GUCY2C: variants seen among roughly 807,000 people sequenced by gnomAD.
GUCY2C encodes the protein guanylate cyclase 2C, also known as guanylyl cyclase C.
In GUCY2C, 118 loss-of-function variants were observed where a neutral mutation model predicts 131.1. The observed-to-expected ratio is 0.90, with a 90% CI of 0.78 to 1.05. The LOEUF (loss-of-function observed/expected upper bound fraction) is 1.05, where lower values mean the gene tolerates loss of function less well. Ranked by LOEUF, GUCY2C falls within the 50% of genes least tolerant of loss-of-function variation. The pLI, the probability that GUCY2C is intolerant of heterozygous loss-of-function variation, is 0.00. For missense variants in GUCY2C, 1,161 were observed against 1,304.4 expected (o/e 0.89, Z 1.69); for synonymous variants, 452 against 457.8 (o/e 0.99, Z 0.16).
chr12:14,655,391 A>C (rs1161103169), intron 12 of GUCY2C, among the ~76,000 whole-genome samples: 2 of 152,156 alleles, frequency 1.3e-5, no homozygotes, highest in Non-Finnish European at 2.9e-5. Context: ...TGAGGTTCAG[A>C]ATGCACCAGG....
intron 15 of GUCY2C, among the ~76,000 whole-genome samples, chr12:14,647,447 G>C (rs1947544703): frequency 6.6e-6 from 1 of 152,090 alleles, no homozygotes; most frequent in South Asian, 2.1e-4. Flanking sequence ...GTCGGTATAG[G>C]GTGTCGGTAA....
chr12:14,655,823 CAGG>C (rs1272153557), intron 12 of GUCY2C, among the ~76,000 whole-genome samples: 1 of 152,112 alleles, frequency 6.6e-6, no homozygotes, highest in Non-Finnish European at 1.5e-5. Flanking sequence ...TCACAGTGCT[CAGG>C]AGAAGATGAA....
At chr12:14,638,165 G>A (rs528112078) in intron 19 of GUCY2C, among the ~76,000 whole-genome samples, 1 of 152,298 alleles carries the variant, frequency 6.6e-6, no homozygotes, top group Admixed American at 6.5e-5. Flanking sequence ...ACCACAATGA[G>A]CTATCATCTT....
intron 1 of GUCY2C, among the ~76,000 whole-genome samples, chr12:14,694,095 C>T (rs1007992): frequency 6.6e-6 from 1 of 151,190 alleles, no homozygotes; most frequent in Non-Finnish European, 1.5e-5. Context: ...CTATTCATAT[C>T]GGGTAACTAC....
rs67108274 is a variant in GUCY2C, at chr12:14,677,736, A to AT, written c.831-766dup. On this transcript the variant is annotated intron_variant, in intron 6 of 26. Transcript: ENST00000261170. ...CAGGCGCCCACCACCACGCCCAGCT[A>AT]TTTTTTTTTTTTTTTGTATTTTTAG... 2.9e-3 allele frequency among the ~76,000 whole-genome samples: 392 copies of AT among 133,984 alleles called. 9 individuals are homozygous for AT. The highest frequency in any genetic ancestry group is 0.018 in the East Asian group (81 of 4,598). 87.9% of individuals were successfully genotyped at this position (133,984 alleles called of 152,430 possible).
In GUCY2C at chr12:14,621,988, T is replaced by C; in HGVS notation, c.2601+17A>G. ...TTGTACAATTAATGGTTTCAGCCTG[T>C]TAGGTGATGTGGTTACCTTGTAGAC... On this transcript the variant is annotated intron_variant, in intron 22 of 26. Coordinates refer to ENST00000261170, the MANE Select transcript of GUCY2C (RefSeq NM_004963.4). The C allele has an allele frequency of 6.4e-7, 1 of 1,554,074 alleles. No homozygotes were observed. Among genetic ancestry groups the C allele is most frequent in the East Asian group, 2.3e-5 (1 of 42,710 alleles).
At chr12:14,686,448 A>C (rs1369951636) in intron 2 of GUCY2C, among the ~76,000 whole-genome samples, 1 of 152,152 alleles carries the variant, frequency 6.6e-6, no homozygotes, top group Non-Finnish European at 1.5e-5. Context: ...GTATTTTACA[A>C]AGGTGAGCTG....
chr12:14,618,548 G>A (rs188140185), intron 24 of GUCY2C, among the ~76,000 whole-genome samples: 3 of 152,122 alleles, frequency 2.0e-5, no homozygotes, highest in African/African-American at 4.8e-5. Flanking sequence ...CAGAAAAAAC[G>A]AATATGCTTT....
rs1371235413 is a variant in GUCY2C, at chr12:14,676,944, T to C, written c.858A>G (p.Thr286=). 1 of 1,548,188 alleles carries C rather than the reference T, an allele frequency of 6.5e-7. No homozygotes were observed. Among genetic ancestry groups the C allele is most frequent in the South Asian group, 1.2e-5 (1 of 83,582 alleles). The change falls in exon 7 of 27, where the codon ACA becomes ACG. Residue 286 remains threonine, a synonymous_variant. Coordinates refer to ENST00000261170, the MANE Select transcript of GUCY2C (RefSeq NM_004963.4). ...GGACATTTTTCATATAGTCAGGGGCTGTGACATTGTCCTCAAAGTACTGGT... is the reference window on the plus strand; with the variant it reads ...GGACATTTTTCATATAGTCAGGGGCCGTGACATTGTCCTCAAAGTACTGGT... The part of the protein sequence containing the change: ...FNDQYFEDNV[T]APDYMKNVLV...
rs1433742402 is a variant in GUCY2C, at chr12:14,696,391, G to A, written c.58C>T (p.Leu20=). 3 of 1,614,022 alleles carry A rather than the reference G, an allele frequency of 1.9e-6. No individual in the cohort carries two copies. The Admixed American group carries it at 5.0e-5, about 27-fold the overall frequency. ...TGACTCACCTGGGAACTAAAGGACA[G>A]CCACCCGGGCTGGAAGAGCAGTGAC... The part of the protein sequence containing the change: ...LWSLLFQPGW[L]SFSSQVSQNC... Residue 20 remains leucine (L), a synonymous_variant, in exon 1 of 27, where the codon CTG becomes TTG. Coordinates refer to ENST00000261170, the MANE Select transcript of GUCY2C (RefSeq NM_004963.4).
At chr12:14,689,591 T>C (rs112909242) in intron 1 of GUCY2C, among the ~76,000 whole-genome samples, 87 of 152,346 alleles carry the variant, frequency 5.7e-4, no homozygotes, top group African/African-American at 1.9e-3. Context: ...ATTGAGTTTG[T>C]CTTACCAGAG....
At chr12:14,656,957 C>T (rs1008316086) in intron 11 of GUCY2C, among the ~76,000 whole-genome samples, 2 of 152,182 alleles carry the variant, frequency 1.3e-5, no homozygotes, top group African/African-American at 2.4e-5. Flanking sequence ...AAGGAGTGTG[C>T]AACATAGATC....
intron 15 of GUCY2C, among the ~76,000 whole-genome samples, chr12:14,649,252 C>T (rs532039667): frequency 7.7e-4 from 117 of 152,168 alleles, no homozygotes; most frequent in Middle Eastern, 6.8e-3. Context: ...TTTTAGGAGC[C>T]AAGAATGAAG....
At chr12:14,642,953 C>G (rs1189435091) in intron 17 of GUCY2C, among the ~76,000 whole-genome samples, 1 of 152,138 alleles carries the variant, frequency 6.6e-6, no homozygotes, top group African/African-American at 2.4e-5. Context: ...AACATGAGTT[C>G]TAGATATCTG....
intron 5 of GUCY2C, among the ~76,000 whole-genome samples, chr12:14,681,011 A>G (rs1948337512): frequency 6.6e-6 from 1 of 152,138 alleles, no homozygotes; most frequent in Admixed American, 6.6e-5. Context: ...TTGGTCACAA[A>G]TCCAATAATA....
At chr12:14,641,280 A>G (rs1592101484) in intron 17 of GUCY2C, 61 bp from the exon 18 acceptor site, 2 of 1,530,654 alleles carry the variant, frequency 1.3e-6, no homozygotes, top group East Asian at 4.5e-5. Context: ...TAGGCCTCCA[A>G]CCTGCTTTTG....
intron 26 of GUCY2C, chr12:14,614,427 AT>A (rs1395437555): frequency 6.3e-6 from 1 of 158,002 alleles, no homozygotes; most frequent in Non-Finnish European, 1.4e-5. Flanking sequence ...AGTTAAAAAT[AT>A]CATGAATACA....
At chr12:14,646,565 G>GA (rs1313632334) in intron 15 of GUCY2C, among the ~76,000 whole-genome samples, 5 of 152,060 alleles carry the variant, frequency 3.3e-5, no homozygotes, top group African/African-American at 7.2e-5. Flanking sequence ...TAAAAAATGT[G>GA]AAAAAATTGC....
At chr12:14,643,490 AG>A (rs1947450681) in intron 17 of GUCY2C, 83 bp downstream of exon 17, 1 of 1,203,722 alleles carries the variant, frequency 8.3e-7, no homozygotes. Flanking sequence ...TCTTCTGATC[AG>A]TATTACAATT....
Sources: gnomAD v4.1 joint callset for allele counts (sites outside exome capture counted in the v4.1 genomes callset) on GRCh38, gnomAD v4.1.1 for gene constraint, MANE v1.5 for transcripts, NCBI Gene and HGNC (gene_info 2026-07-23, HGNC 2026-07-21) for gene names.